The following RAB3A variants were observed in gnomAD, a reference collection of about 807,000 sequenced individuals.
RAB3A encodes the protein RAB3A, member RAS oncogene family.
In RAB3A, 5 loss-of-function variants were observed where a neutral mutation model predicts 19.7. That is an observed-to-expected ratio of 0.25 (90% CI 0.13 to 0.53). RAB3A has a LOEUF of 0.53. Ranked by LOEUF, RAB3A falls within the 20% of genes least tolerant of loss-of-function variation. RAB3A has a pLI of 0.95. For synonymous variants in RAB3A, 119 were observed against 122.1 expected (o/e 0.97, Z 0.17); for missense variants, 189 against 305.6 (o/e 0.62, Z 2.85).
Position 18,202,635 on chromosome 19 carries a change from T to G in RAB3A, c.106A>C (p.Thr36Pro). The G allele has an allele frequency of 6.2e-7, 1 of 1,614,098 alleles. No homozygotes were observed. Among genetic ancestry groups the G allele is most frequent in the Non-Finnish European group, 8.5e-7 (1 of 1,180,010 alleles). ...TCAGCATAGCGGAAGAGGAAGGACG[T>G]CTTGCCCACGCTGCTGTTGCCGATG... ...LIIGNSSVGK[T>P]SFLFRYADDS... The change falls in exon 2 of 5, where the codon ACG (threonine) becomes CCG (proline). Residue 36 changes from threonine (T) to proline (P), a missense_variant. Thr to Pro is a conservative substitution (Grantham distance 38). Transcript: ENST00000222256. The surrounding 1 kb of genome is among the most constrained non-coding windows in gnomAD (Gnocchi z 4.2).
rs770856013 is a variant in RAB3A, at chr19:18,197,554, C to A, written c.579G>T (p.Thr193=). ...TGGCGCCTGTGACCGCAGGGTCCGC[C>A]GTGTCCAACGACTCGGACATCTTCT... ...ICEKMSESLD[T]ADPAVTGAKQ... Residue 193 remains threonine (T), a synonymous_variant, in exon 5 of 5, where the codon ACG becomes ACT. Coordinates refer to ENST00000222256, the MANE Select transcript of RAB3A (RefSeq NM_002866.5). 2 of 1,613,850 alleles carry A rather than the reference C, an allele frequency of 1.2e-6. No homozygotes were observed. The highest frequency in any genetic ancestry group is 1.3e-5 in the African/African-American group (1 of 75,006).
chr19:18,197,248 C>A lies in RAB3A; in HGVS notation c.*222G>T. On this transcript the variant is annotated 3_prime_UTR_variant, in exon 5 of 5. Coordinates refer to ENST00000222256, the MANE Select transcript of RAB3A (RefSeq NM_002866.5). ...ACACCACAGCTGAGTGGGGAAAGGG[C>A]TATATGTACAGGAGGGGCAGGGCTT... is the stretch of plus-strand genomic sequence containing the variant. 1.9e-6 allele frequency: 1 copy of A among 529,086 alleles called. No homozygotes were observed. The highest frequency in any genetic ancestry group is 3.3e-6 in the Non-Finnish European group (1 of 304,076). 32.8% of individuals were successfully genotyped at this position (529,086 alleles called of 1,614,324 possible). A position where few individuals can be genotyped will look rare whatever the true frequency, so the allele number is the denominator to read the frequency against.
rs538763009 is a variant in RAB3A at position 18,198,887 on chromosome 19, A to G, written c.348-38T>C. 6 of 1,604,662 alleles carry G rather than the reference A, an allele frequency of 3.7e-6. No homozygotes were observed. In the South Asian group the frequency reaches 5.5e-5, roughly 15 times the overall value. On this transcript the variant is annotated intron_variant, in intron 3 of 4. Coordinates refer to ENST00000222256, the MANE Select transcript of RAB3A (RefSeq NM_002866.5). ...CCAATGGGGGCAGGTCAGGGCTTGGAGGATCCCAGCTCCACCCTGACGGGC... is the reference window on the plus strand; with the variant it reads ...CCAATGGGGGCAGGTCAGGGCTTGGGGGATCCCAGCTCCACCCTGACGGGC...
chr19:18,198,576 G>T, intron 4 of RAB3A, 149 bp downstream of exon 4: 1 of 958,402 alleles, frequency 1.0e-6, no homozygotes, highest in African/African-American at 1.6e-5. Context: ...CATCCCTCAG[G>T]ATCCAACTCA....
At position 18,202,584 on chromosome 19, in the gene RAB3A, T is replaced by C. The variant is rs779871699; in HGVS notation, c.157A>G (p.Ser53Gly). 6.2e-7 allele frequency: 1 copy of C among 1,614,184 alleles called. No individual in the cohort carries two copies. Among genetic ancestry groups the C allele is most frequent in the Non-Finnish European group, 8.5e-7 (1 of 1,180,028 alleles). The change falls in exon 2 of 5, where the codon AGC (serine) becomes GGC (glycine). Residue 53 changes from serine to glycine, a missense_variant. Physicochemically the swap from Ser to Gly is moderately conservative, Grantham distance 56 (BLOSUM62 0). Transcript: ENST00000222256. This position sits in a 1 kb window ranked among gnomAD's most constrained non-coding sequence, Gnocchi z 4.2. ...ACCTTGAAGTCGATGCCCACGGTGC[T>C]GACGAAGGCAGGCGTGAACGAGTCG... ...ADDSFTPAFV[S>G]TVGIDFKVKT...
chr19:18,199,002 C>T lies in RAB3A; in HGVS notation c.348-153G>A, dbSNP rs555568120. On this transcript the variant is annotated intron_variant, in intron 3 of 4. Transcript: ENST00000222256. ...CACCATCCTTTCCCCCAATGTGCCC[C>T]GCTTTCACCCCACTCCAGCCCCCGA... 7.9e-5 allele frequency among the ~76,000 whole-genome samples: 12 copies of T among 152,172 alleles called. No homozygotes were observed. In the East Asian group the frequency reaches 9.7e-4, roughly 12 times the overall value.
chr19:18,200,550 C>A, intron 2 of RAB3A, 105 bp from the exon 3 acceptor site: 2 of 954,644 alleles, frequency 2.1e-6, no homozygotes, highest in Non-Finnish European at 3.2e-6. Context: ...GAAGCAGGAG[C>A]TTGCCCAGGG....
intron 1 of RAB3A, among the ~76,000 whole-genome samples, chr19:18,203,544 C>G (rs1329969935): frequency 7.2e-5 from 11 of 152,202 alleles, no homozygotes; most frequent in African/African-American, 2.7e-4. Context: ...ACGAGCATAT[C>G]CAGGTACACA....
At chr19:18,199,460 ATT>A (rs1283231841) in intron 3 of RAB3A, among the ~76,000 whole-genome samples, 1 of 151,072 alleles carries the variant, frequency 6.6e-6, no homozygotes, top group African/African-American at 2.4e-5. Flanking sequence ...CAACCCAGAA[ATT>A]TTTTTTTAAA....
chr19:18,198,949 A>G lies in RAB3A; in HGVS notation c.348-100T>C. 2.1e-6 allele frequency: 3 copies of G among 1,446,772 alleles called. No homozygotes were observed. The South Asian group carries it at 4.2e-5, about 20-fold the overall frequency. 89.6% of individuals were successfully genotyped at this position (1,446,772 alleles called of 1,614,324 possible). A position where few individuals can be genotyped will look rare whatever the true frequency, so the allele number is the denominator to read the frequency against. On this transcript the variant is annotated intron_variant, in intron 3 of 4. Coordinates refer to ENST00000222256, the MANE Select transcript of RAB3A (RefSeq NM_002866.5). ...CTGTGTCCTTGTCCGAGGAAGAAAG[A>G]CCCAGAAGCTTGCCCCTCCATCCTC...
In RAB3A at chr19:18,202,971, A is replaced by T. The variant is rs1289622319; in HGVS notation, c.1-231T>A. 2.0e-6 allele frequency: 1 copy of T among 510,658 alleles called. No homozygotes were observed. Among genetic ancestry groups the T allele is most frequent in the Admixed American group, 3.4e-5 (1 of 29,292 alleles). 31.6% of individuals were successfully genotyped at this position (510,658 alleles called of 1,614,324 possible). On this transcript the variant is annotated intron_variant, in intron 1 of 4. Coordinates refer to ENST00000222256, the MANE Select transcript of RAB3A (RefSeq NM_002866.5). The surrounding 1 kb of genome is among the most constrained non-coding windows in gnomAD (Gnocchi z 4.2). ...GGCTCAGAGGGTTGCCGATGGGGAC[A>T]CCCCAGCAGCCCCCTTCAAGGGGCA...
At chr19:18,201,282 A>AGAAT (rs1259083078) in intron 2 of RAB3A, among the ~76,000 whole-genome samples, 2 of 149,724 alleles carry the variant, frequency 1.3e-5, no homozygotes, top group Admixed American at 1.3e-4. Context: ...AAAGAAAGAA[A>AGAAT]GAAAGAAAGA....
intron 3 of RAB3A, among the ~76,000 whole-genome samples, chr19:18,199,470 A>T (rs114889959): frequency 1.4e-3 from 219 of 151,732 alleles, no homozygotes; most frequent in African/African-American, 5.1e-3. Context: ...ATTTTTTTTT[A>T]AAGTTATTAC....
In RAB3A at chr19:18,199,185, C is replaced by T. The variant is rs139500561; in HGVS notation, c.348-336G>A. 8.2e-4 allele frequency among the ~76,000 whole-genome samples: 125 copies of T among 152,052 alleles called. 3 individuals are homozygous for T. The East Asian group carries it at 0.021, about 26-fold the overall frequency. On this transcript the variant is annotated intron_variant, in intron 3 of 4. Transcript: ENST00000222256. ...AAATTTTCTTTTTTTGAGATAGAGT[C>T]TTGCTCTGTCGCCCAGGCTGGAGTG... is the stretch of plus-strand genomic sequence containing the variant.
At chr19:18,198,889 G>T in intron 3 of RAB3A, 40 bp from the exon 4 acceptor site, 1 of 1,602,678 alleles carries the variant, frequency 6.2e-7, no homozygotes, top group South Asian at 1.1e-5. Flanking sequence ...GGGCTTGGAG[G>T]ATCCCAGCTC....
chr19:18,199,452 A>T (rs1274129658), intron 3 of RAB3A, among the ~76,000 whole-genome samples: 2 of 150,636 alleles, frequency 1.3e-5, no homozygotes, highest in Non-Finnish European at 3.0e-5. Context: ...ACTGTGCCCA[A>T]CCCAGAAATT....
Position 18,201,254 on chromosome 19 carries a change from A to C in RAB3A, c.229-809T>G, listed in dbSNP as rs1474193618. The stretch of plus-strand genomic sequence containing the variant: ...CCGTCTCAAAACAATAACAACAAAA[A>C]AAAAAAAAAAAAGAAAGAAAGAAAG... On this transcript the variant is annotated intron_variant, in intron 2 of 4. Coordinates refer to ENST00000222256, the MANE Select transcript of RAB3A (RefSeq NM_002866.5). Among the ~76,000 whole-genome samples the C allele has an allele frequency of 3.1e-3, 335 of 109,112 alleles. 4 individuals are homozygous for C. Among genetic ancestry groups the C allele is most frequent in the African/African-American group, 7.8e-3 (255 of 32,880 alleles). 71.6% of individuals were successfully genotyped at this position (109,112 alleles called of 152,430 possible). A position where few individuals can be genotyped will look rare whatever the true frequency, so the allele number is the denominator to read the frequency against.
rs536646998 is a variant in RAB3A at position 18,200,284 on chromosome 19, A to G, written c.347+43T>C. The G allele has an allele frequency of 6.7e-6, 10 of 1,481,984 alleles. No homozygotes were observed. In the South Asian group the frequency reaches 8.4e-5, roughly 12 times the overall value. The allele number at this position is 1,481,984 out of a possible 1,614,324, so 91.8% of individuals were successfully genotyped here. A position where few individuals can be genotyped will look rare whatever the true frequency, so the allele number is the denominator to read the frequency against. On this transcript the variant is annotated intron_variant, in intron 3 of 4. Coordinates refer to ENST00000222256, the MANE Select transcript of RAB3A (RefSeq NM_002866.5). Reference sequence around the variant, plus strand: ...GGTGACAGAATAAAACCCTCTCTCAAAGAAAAGAAAAGAAAAAAAAAGAGC... The same window carrying G: ...GGTGACAGAATAAAACCCTCTCTCAGAGAAAAGAAAAGAAAAAAAAAGAGC...
chr19:18,197,793 CA>C, intron 4 of RAB3A, 133 bp from the exon 5 acceptor site: 1 of 137,994 alleles, frequency 7.2e-6, no homozygotes. Flanking sequence ...TGACAAATCC[CA>C]CAGAGAAGAA....
Sources: gnomAD v4.1 joint callset for allele counts (sites outside exome capture counted in the v4.1 genomes callset) on GRCh38, gnomAD v4.1.1 for gene constraint, Gnocchi (gnomAD v3.1) non-coding constraint, MANE v1.5 for transcripts, NCBI Gene and HGNC (gene_info 2026-07-23, HGNC 2026-07-21) for gene names.